The following MACROD1 variants were observed in gnomAD, a reference collection of about 807,000 sequenced individuals.
MACROD1 encodes the protein mono-ADP ribosylhydrolase 1.
MACROD1 carries 31 observed loss-of-function variants against 41.4 expected under a neutral mutation model. The observed-to-expected ratio is 0.75, with a 90% CI of 0.56 to 1.01. MACROD1 has a LOEUF of 1.01. MACROD1 is among the 50% of genes least tolerant of loss of function. MACROD1 has a pLI of 0.00. For missense variants in MACROD1, 473 were observed against 460.0 expected (o/e 1.03, Z -0.26); for synonymous variants, 252 against 203.4 (o/e 1.24, Z -2.03).
At chr11:64,116,196 C>T (rs1363707899) in intron 3 of MACROD1, 10 of 1,534,658 alleles carry the variant, frequency 6.5e-6, no homozygotes, top group Middle Eastern at 1.8e-4. Flanking sequence ...CCTCTCACTG[C>T]CCCTGTCCTG....
At chr11:64,125,964 G>A (rs1945173187) in intron 3 of MACROD1, among the ~76,000 whole-genome samples, 1 of 152,218 alleles carries the variant, frequency 6.6e-6, no homozygotes, top group African/African-American at 2.4e-5. Context: ...AGCCATGGCG[G>A]ATGCGGGGCC....
chr11:64,105,038 C>T (rs1200420173), intron 3 of MACROD1, among the ~76,000 whole-genome samples: 1 of 152,264 alleles, frequency 6.6e-6, no homozygotes, highest in Non-Finnish European at 1.5e-5. Flanking sequence ...ATGATTGCAC[C>T]AGGGCCTGGG....
At chr11:64,074,277 G>A (rs914995742) in intron 3 of MACROD1, among the ~76,000 whole-genome samples, 20 of 152,352 alleles carry the variant, frequency 1.3e-4, no homozygotes, top group African/African-American at 4.6e-4. Context: ...TGAGGCTCAT[G>A]AGGAAGGTTT....
At position 64,118,660 on chromosome 11, in the gene MACROD1, T is replaced by A. The variant is rs766420782; in HGVS notation, c.517+32579A>T. 3.1e-5 allele frequency: 6 copies of A among 194,142 alleles called. 1 individual carries two copies. The highest frequency in any genetic ancestry group is 1.1e-4 in the Admixed American group (2 of 17,958). 12.0% of individuals were successfully genotyped at this position (194,142 alleles called of 1,614,324 possible). On this transcript the variant is annotated intron_variant, in intron 3 of 10. Coordinates refer to ENST00000255681, the MANE Select transcript of MACROD1 (RefSeq NM_014067.4). ...TACAACATCTGTGGACACCTCATGC[T>A]CTGTTCAAGGCCATCACAAAGGAAC...
intron 4 of MACROD1, among the ~76,000 whole-genome samples, chr11:64,000,956 C>G (rs1942814664): frequency 6.6e-6 from 1 of 152,174 alleles, no homozygotes; most frequent in Non-Finnish European, 1.5e-5. Context: ...GGGAGGTGAG[C>G]CCGACGCCCG....
chr11:64,090,530 C>T lies in MACROD1; in HGVS notation c.517+60709G>A, dbSNP rs984111521. ...TTGCTTCCCCGGGCCCTCCCTCGAC[C>T]GGCTCTGCCTGCTCACAGGTGGCTG... On this transcript the variant is annotated intron_variant, in intron 3 of 10. Coordinates refer to ENST00000255681, the MANE Select transcript of MACROD1 (RefSeq NM_014067.4). The surrounding 1 kb of genome is among the most constrained non-coding windows in gnomAD (Gnocchi z 4.7). 5.9e-5 allele frequency among the ~76,000 whole-genome samples: 9 copies of T among 152,200 alleles called. No homozygotes were observed. The highest frequency in any genetic ancestry group is 2.1e-4 in the South Asian group (1 of 4,816).
chr11:64,137,870 C>T (rs1945353794), intron 3 of MACROD1, among the ~76,000 whole-genome samples: 1 of 152,214 alleles, frequency 6.6e-6, no homozygotes, highest in African/African-American at 2.4e-5. Context: ...CCTGCTGTGG[C>T]TTGGTTCTTT....
chr11:64,114,191 GTTAGATGGATGGATGGATGGATGGATGAA>G (rs1944923502), intron 3 of MACROD1, among the ~76,000 whole-genome samples: 1 of 150,398 alleles, frequency 6.6e-6, no homozygotes. Flanking sequence ...TGGATGGATG[GTTAGATGGATGGATGGATGGATGGATGAA>G]TGGACAGATG....
intron 4 of MACROD1, chr11:64,001,167 C>G: frequency 2.0e-6 from 1 of 508,964 alleles, no homozygotes; most frequent in Non-Finnish European, 3.5e-6. Flanking sequence ...AGCCCAACCT[C>G]GCCAGGGCAC....
intron 1 of MACROD1, among the ~76,000 whole-genome samples, chr11:64,159,923 G>A (rs1439373376): frequency 1.3e-5 from 2 of 152,234 alleles, no homozygotes; most frequent in Non-Finnish European, 2.9e-5. Flanking sequence ...CCAGCCTGAA[G>A]GTATGTACAT....
intron 3 of MACROD1, among the ~76,000 whole-genome samples, chr11:64,047,289 C>G (rs1390880978): frequency 6.6e-6 from 1 of 152,124 alleles, no homozygotes; most frequent in Non-Finnish European, 1.5e-5. Flanking sequence ...AAATGGCTTT[C>G]TTTGTACAAC....
chr11:64,079,072 T>G (rs1408002891), intron 3 of MACROD1, among the ~76,000 whole-genome samples: 3 of 79,318 alleles, frequency 3.8e-5, no homozygotes, highest in Admixed American at 1.5e-4. Flanking sequence ...CCGGGGGCGG[T>G]GGGGAGGCGC....
rs118097187 is a variant in MACROD1, at chr11:64,090,133, C to G, written c.517+61106G>C. On this transcript the variant is annotated intron_variant, in intron 3 of 10. Transcript: ENST00000255681. This position sits in a 1 kb window ranked among gnomAD's most constrained non-coding sequence, Gnocchi z 4.7. ...GGGGAAGATATGCACCCTCTCCCCA[C>G]GGGGCTAGGGACTCATCTCTGCCTG... 6.6e-6 allele frequency among the ~76,000 whole-genome samples: 1 copy of G among 152,096 alleles called. No homozygotes were observed. The highest frequency in any genetic ancestry group is 1.5e-5 in the Non-Finnish European group (1 of 68,002).
intron 4 of MACROD1, among the ~76,000 whole-genome samples, chr11:64,007,077 C>T (rs1942924990): frequency 6.6e-6 from 1 of 152,328 alleles, no homozygotes; most frequent in South Asian, 2.1e-4. Context: ...TCAACTCCAA[C>T]AAAGCTTTCC....
At chr11:64,043,507 T>C (rs1378962922) in intron 3 of MACROD1, among the ~76,000 whole-genome samples, 1 of 152,104 alleles carries the variant, frequency 6.6e-6, no homozygotes, top group Non-Finnish European at 1.5e-5. Flanking sequence ...TGGGGAGAGC[T>C]GAGCTCTGGA....
At chr11:64,037,363 G>T (rs1022864038) in intron 3 of MACROD1, among the ~76,000 whole-genome samples, 1 of 151,888 alleles carries the variant, frequency 6.6e-6, no homozygotes, top group Non-Finnish European at 1.5e-5. Flanking sequence ...GCGCTCAGGG[G>T]CTCCAGATTC....
Position 64,028,366 on chromosome 11 carries a change from G to A in MACROD1, c.518-13085C>T, listed in dbSNP as rs368938651. On this transcript the variant is annotated intron_variant, in intron 3 of 10. Coordinates refer to ENST00000255681, the MANE Select transcript of MACROD1 (RefSeq NM_014067.4). ...TGCCTGCCTGCCTTAGGGCCCCCCT[G>A]GCCTGGGCGCCTCCTCTTCTCTGTT... 2.6e-5 allele frequency among the ~76,000 whole-genome samples: 4 copies of A among 152,256 alleles called. No individual in the cohort carries two copies. The East Asian group carries it at 5.8e-4, about 22-fold the overall frequency.
chr11:64,017,474 A>G (rs1261458795), intron 3 of MACROD1, among the ~76,000 whole-genome samples: 1 of 152,102 alleles, frequency 6.6e-6, no homozygotes, highest in Non-Finnish European at 1.5e-5. Flanking sequence ...CTCCAAAGCC[A>G]AGCCACGAAG....
intron 3 of MACROD1, among the ~76,000 whole-genome samples, chr11:64,065,121 C>A (rs1248743334): frequency 6.6e-6 from 1 of 152,190 alleles, no homozygotes; most frequent in African/African-American, 2.4e-5. Context: ...CAGAGGAGAA[C>A]GGGCTACACG....
Sources: allele counts gnomAD v4.1 joint callset (sites outside exome capture counted in the v4.1 genomes callset), GRCh38; gene constraint gnomAD v4.1.1; non-coding constraint Gnocchi (gnomAD v3.1); transcripts MANE v1.5; gene names NCBI Gene and HGNC (gene_info 2026-07-23, HGNC 2026-07-21).